The following AGAP1 variants were observed in gnomAD, a reference collection of about 807,000 sequenced individuals.
AGAP1 encodes arf-GAP with GTPase, ANK repeat and PH domain-containing protein 1.
Under a neutral mutation model 105.3 loss-of-function variants are expected in AGAP1, and 29 were observed. The ratio of observed to expected loss-of-function variants is 0.28; its 90% CI spans 0.21 to 0.38. The LOEUF (loss-of-function observed/expected upper bound fraction) is 0.38. Among genes scored for constraint, AGAP1 ranks in the 10% least tolerant of loss-of-function variants. The pLI is 1.00. For missense variants in AGAP1, 998 were observed against 1,165.1 expected, an observed-to-expected ratio of 0.86 and a Z score of 2.09; for synonymous variants, 509 against 485.9, an observed-to-expected ratio of 1.05 and a Z score of -0.63.
chr2:235,980,347 T>G (rs1435943819), intron 13 of AGAP1, among the ~76,000 whole-genome samples: 1 of 152,154 alleles, frequency 6.6e-6, no homozygotes, highest in African/African-American at 2.4e-5. Context: ...ATTGATTACC[T>G]TTCTTTGGGT....
At chr2:236,043,850 G>A (rs1240138633) in intron 15 of AGAP1, among the ~76,000 whole-genome samples, 3 of 152,150 alleles carry the variant, frequency 2.0e-5, no homozygotes, top group Admixed American at 6.5e-5. Flanking sequence ...TATTTAGAGG[G>A]GAAAGATCTG....
At chr2:235,895,326 C>T (rs578172999) in intron 10 of AGAP1, among the ~76,000 whole-genome samples, 69 of 146,324 alleles carry the variant, frequency 4.7e-4, no homozygotes, top group Non-Finnish European at 7.8e-4. Flanking sequence ...TGCCCCTGCT[C>T]TTGCCCCAGC....
chr2:235,876,555 GC>G (rs1178802604), intron 9 of AGAP1, among the ~76,000 whole-genome samples: 1 of 152,112 alleles, frequency 6.6e-6, no homozygotes, highest in African/African-American at 2.4e-5. Flanking sequence ...TGGGGCACCA[GC>G]CCCCCAGTGC....
At chr2:235,810,338 A>G (rs1296388776) in intron 9 of AGAP1, among the ~76,000 whole-genome samples, 1 of 152,124 alleles carries the variant, frequency 6.6e-6, no homozygotes, top group Non-Finnish European at 1.5e-5. Context: ...TGCTCAGCCC[A>G]TGTGAAAGAC....
Position 236,003,432 on chromosome 2 carries a change from C to G in AGAP1, c.1646-33129C>G, listed in dbSNP as rs781240526. On this transcript the variant is annotated intron_variant, in intron 13 of 17. Coordinates refer to ENST00000304032, the MANE Select transcript of AGAP1 (RefSeq NM_001037131.3). This position sits in a 1 kb window ranked among gnomAD's most constrained non-coding sequence, Gnocchi z 4.2. The stretch of plus-strand genomic sequence containing the variant: ...AGGATGCTGGCCCACACCAAGGCAC[C>G]AAGATTTTACCCACCTCTGTGTGTG... Among the ~76,000 whole-genome samples the G allele has an allele frequency of 1.6e-4, 24 of 152,198 alleles. No individual in the cohort carries two copies. The highest frequency in any genetic ancestry group is 3.2e-4 in the Non-Finnish European group (22 of 68,018).
chr2:235,603,493 A>C (rs1288990722), intron 1 of AGAP1, among the ~76,000 whole-genome samples: 1 of 152,188 alleles, frequency 6.6e-6, no homozygotes, highest in Admixed American at 6.5e-5. Flanking sequence ...CGCAGTGCTC[A>C]ATACATTATT....
chr2:235,589,202 T>G (rs1344091016), intron 1 of AGAP1, among the ~76,000 whole-genome samples: 1 of 104,580 alleles, frequency 9.6e-6, no homozygotes, highest in African/African-American at 5.2e-5. Flanking sequence ...TTGTTTTTTT[T>G]TTTTTTTTTT....
chr2:235,948,867 A>G (rs1010533356), intron 12 of AGAP1, among the ~76,000 whole-genome samples: 1 of 152,342 alleles, frequency 6.6e-6, no homozygotes, highest in Middle Eastern at 3.4e-3. Flanking sequence ...GCAGCCAGGT[A>G]TCAAATCACA....
In AGAP1 at chr2:236,049,985, C is replaced by T. The variant is rs142582866; in HGVS notation, c.2114+704C>T. On this transcript the variant is annotated intron_variant, in intron 16 of 17. Transcript: ENST00000304032. ...GAGGCAGAATAGAGCATTTCATCTCCGTACTTGTCTAAAGCAAGTGGCTTC... is the reference window on the plus strand; with the variant it reads ...GAGGCAGAATAGAGCATTTCATCTCTGTACTTGTCTAAAGCAAGTGGCTTC... Among the ~76,000 whole-genome samples, 410 of 152,264 alleles carry T rather than the reference C, an allele frequency of 2.7e-3. 3 individuals carry two copies. Among genetic ancestry groups the T allele is most frequent in the African/African-American group, 9.6e-3 (399 of 41,554 alleles).
chr2:235,912,823 A>C (rs1037631218), intron 11 of AGAP1, among the ~76,000 whole-genome samples: 8 of 152,352 alleles, frequency 5.3e-5, no homozygotes, highest in South Asian at 4.1e-4. Context: ...AATTTATGCT[A>C]ATCTGATGAG....
rs562548507 is a variant in AGAP1 at position 235,799,360 on chromosome 2, A to T, written c.802-7A>T. On this transcript the variant is annotated splice_polypyrimidine_tract_variant and splice_region_variant and intron_variant, in intron 7 of 17. Coordinates refer to ENST00000304032, the MANE Select transcript of AGAP1 (RefSeq NM_001037131.3). The surrounding 1 kb of genome is among the most constrained non-coding windows in gnomAD (Gnocchi z 5.0). ...GTTAATGAAACCTTGGATTTTAATC[A>T]TTTCAGACAAGTAATGGAGGTGGGA... 1.5e-4 allele frequency: 249 copies of T among 1,613,152 alleles called. No individual in the cohort carries two copies. The highest frequency in any genetic ancestry group is 1.8e-4 in the Non-Finnish European group (218 of 1,179,522).
rs1380445816 is a variant in AGAP1, at chr2:235,958,833, A to G, written c.1484-9629A>G. Among the ~76,000 whole-genome samples the G allele has an allele frequency of 6.6e-6, 1 of 152,176 alleles. No homozygotes were observed. Among genetic ancestry groups the G allele is most frequent in the East Asian group, 1.9e-4 (1 of 5,188 alleles). Reference sequence around the variant, plus strand: ...ATGTTATTTTATTCCCCCTCTAGTCATGCTTGTCAGCTCTCCGAGTGAAAA... The same window carrying G: ...ATGTTATTTTATTCCCCCTCTAGTCGTGCTTGTCAGCTCTCCGAGTGAAAA... On this transcript the variant is annotated intron_variant, in intron 12 of 17. Coordinates refer to ENST00000304032, the MANE Select transcript of AGAP1 (RefSeq NM_001037131.3). The surrounding 1 kb of genome is among the most constrained non-coding windows in gnomAD (Gnocchi z 4.1).
chr2:235,891,951 C>A lies in AGAP1; in HGVS notation c.1155+8502C>A, dbSNP rs1337955901. ...GATGGATCACCTGAGGTCAGGAGTTCAAGACTAGCCTGGCCAATATGGTGA... is the reference window on the plus strand; with the variant it reads ...GATGGATCACCTGAGGTCAGGAGTTAAAGACTAGCCTGGCCAATATGGTGA... On this transcript the variant is annotated intron_variant, in intron 10 of 17. Transcript: ENST00000304032. This position sits in a 1 kb window ranked among gnomAD's most constrained non-coding sequence, Gnocchi z 4.2. Among the ~76,000 whole-genome samples, 3 of 152,154 alleles carry A rather than the reference C, an allele frequency of 2.0e-5. No homozygotes were observed. Among genetic ancestry groups the A allele is most frequent in the African/African-American group, 7.2e-5 (3 of 41,434 alleles).
chr2:235,626,714 T>C (rs1946648475), intron 1 of AGAP1, among the ~76,000 whole-genome samples: 1 of 152,220 alleles, frequency 6.6e-6, no homozygotes, highest in Non-Finnish European at 1.5e-5. Context: ...AAAGTATAGT[T>C]GAAGTAAAAA....
intron 1 of AGAP1, among the ~76,000 whole-genome samples, chr2:235,598,330 T>C (rs1344809460): frequency 6.6e-6 from 1 of 152,210 alleles, no homozygotes; most frequent in African/African-American, 2.4e-5. Context: ...ATAATTATCT[T>C]ACTTATTTTT....
chr2:235,776,024 T>C (rs1257423248), intron 6 of AGAP1, among the ~76,000 whole-genome samples: 1 of 152,212 alleles, frequency 6.6e-6, no homozygotes, highest in Non-Finnish European at 1.5e-5. Context: ...ATAGGAAGTG[T>C]GGACATGGGA....
Position 236,055,926 on chromosome 2 carries a change from C to T in AGAP1, c.2114+6645C>T, listed in dbSNP as rs948426758. ...CTTCAGTTTACTAGAGCTCAGGGCC[C>T]GGATCAGAAATATTCTGCTATAAAT... On this transcript the variant is annotated intron_variant, in intron 16 of 17. Coordinates refer to ENST00000304032, the MANE Select transcript of AGAP1 (RefSeq NM_001037131.3). This position sits in a 1 kb window ranked among gnomAD's most constrained non-coding sequence, Gnocchi z 6.2. Among the ~76,000 whole-genome samples, 7 of 152,058 alleles carry T rather than the reference C, an allele frequency of 4.6e-5. No homozygotes were observed. Among genetic ancestry groups the T allele is most frequent in the South Asian group, 2.1e-4 (1 of 4,804 alleles).
rs1942446733 is a variant in AGAP1, at chr2:235,517,712, A to C, written c.163+22863A>C. The stretch of plus-strand genomic sequence containing the variant: ...AGCACTCTGGGAGGCCGAGGCAGAC[A>C]GATCACTTGAGGTCAGGAGTTCGAG... On this transcript the variant is annotated intron_variant, in intron 1 of 17. Transcript: ENST00000304032. This position sits in a 1 kb window ranked among gnomAD's most constrained non-coding sequence, Gnocchi z 4.1. 6.6e-6 allele frequency among the ~76,000 whole-genome samples: 1 copy of C among 152,146 alleles called. No homozygotes were observed. Among genetic ancestry groups the C allele is most frequent in the Non-Finnish European group, 1.5e-5 (1 of 68,034 alleles).
At chr2:235,859,344 G>T (rs1317417715) in intron 9 of AGAP1, among the ~76,000 whole-genome samples, 1 of 147,976 alleles carries the variant, frequency 6.8e-6, no homozygotes, top group Non-Finnish European at 1.5e-5. Flanking sequence ...GCCATTACTG[G>T]CCCGGTGAGA....
Sources: allele counts gnomAD v4.1 joint callset (sites outside exome capture counted in the v4.1 genomes callset), GRCh38; gene constraint gnomAD v4.1.1; non-coding constraint Gnocchi (gnomAD v3.1); transcripts MANE v1.5; gene names NCBI Gene and HGNC (gene_info 2026-07-23, HGNC 2026-07-21).